Variants in TRIM58 observed in about 807,000 individuals in gnomAD.
TRIM58 encodes the protein tripartite motif containing 58.
Under a neutral mutation model 34.1 loss-of-function variants are expected in TRIM58, and 38 were observed. The ratio of observed to expected loss-of-function variants is 1.12; its 90% CI spans 0.86 to 1.46. The LOEUF (loss-of-function observed/expected upper bound fraction) is 1.46. Among genes scored for constraint, TRIM58 ranks in the 40% most tolerant of loss-of-function variants. The pLI is 0.00. For synonymous variants in TRIM58, 273 were observed against 275.7 expected, an observed-to-expected ratio of 0.99 and a Z score of 0.10; for missense variants, 677 against 642.0, an observed-to-expected ratio of 1.05 and a Z score of -0.59.
intron 2 of TRIM58, among the ~76,000 whole-genome samples, chr1:247,864,007 C>A (rs181358741): frequency 6.6e-6 from 1 of 152,250 alleles, no homozygotes; most frequent in African/African-American, 2.4e-5. Flanking sequence ...ACAAACATTT[C>A]TTCATCATTC....
At chr1:247,869,163 G>C (rs571565937) in intron 5 of TRIM58, among the ~76,000 whole-genome samples, 3 of 152,318 alleles carry the variant, frequency 2.0e-5, no homozygotes, top group African/African-American at 7.2e-5. Context: ...GCCTCCTAAA[G>C]TGCTGAGATG....
intron 2 of TRIM58, 58 bp downstream of exon 2, chr1:247,860,770 C>T: frequency 2.2e-6 from 3 of 1,359,536 alleles, no homozygotes; most frequent in South Asian, 1.2e-5. Flanking sequence ...AGATTCGGGT[C>T]AGTAATTCTT....
intron 3 of TRIM58, among the ~76,000 whole-genome samples, 175 bp from the exon 4 acceptor site, chr1:247,867,670 A>G (rs1663961677): frequency 6.6e-6 from 1 of 152,208 alleles, no homozygotes; most frequent in African/African-American, 2.4e-5. Flanking sequence ...AGCCTGGGCA[A>G]CAAGAACGAA....
chr1:247,869,005 TTC>T (rs1663998025), intron 5 of TRIM58, among the ~76,000 whole-genome samples: 1 of 152,176 alleles, frequency 6.6e-6, no homozygotes, highest in Non-Finnish European at 1.5e-5. Context: ...GTTCGAGCGA[TTC>T]TCCTGCCTCA....
intron 1 of TRIM58, 88 bp from the exon 2 acceptor site, chr1:247,860,529 T>G (rs1663762582): frequency 1.1e-6 from 1 of 877,568 alleles, no homozygotes; most frequent in Admixed American, 2.3e-5. Flanking sequence ...AGGGACTGTT[T>G]AAGTTGACTT....
At chr1:247,875,494 T>C (rs1329144683) in intron 5 of TRIM58, among the ~76,000 whole-genome samples, 1 of 151,866 alleles carries the variant, frequency 6.6e-6, no homozygotes, top group Non-Finnish European at 1.5e-5. Context: ...TGCCCATGAA[T>C]AGCTCTGCAC....
chr1:247,861,017 C>G (rs1663780004), intron 2 of TRIM58, among the ~76,000 whole-genome samples: 1 of 152,112 alleles, frequency 6.6e-6, no homozygotes, highest in African/African-American at 2.4e-5. Flanking sequence ...CTGTTGCTAC[C>G]AGTTTGAAAA....
Position 247,877,677 on chromosome 1 carries a change from A to G in TRIM58, c.*1188A>G, listed in dbSNP as rs1327395112. ...TATACTGGCCTCACTGTGTTATGGT[A>G]AATATTTAAGGTCATATTTGATATT... On this transcript the variant is annotated 3_prime_UTR_variant, in exon 6 of 6. Transcript: ENST00000366481. 6.6e-6 allele frequency: 1 copy of G among 152,194 alleles called. No individual in the cohort carries two copies. Among genetic ancestry groups the G allele is most frequent in the Non-Finnish European group, 1.5e-5 (1 of 68,038 alleles). 9.4% of individuals were successfully genotyped at this position (152,194 alleles called of 1,614,324 possible).
chr1:247,861,278 T>C (rs1184197827), intron 2 of TRIM58, among the ~76,000 whole-genome samples: 1 of 151,218 alleles, frequency 6.6e-6, no homozygotes, highest in Non-Finnish European at 1.5e-5. Flanking sequence ...GTGATTCACA[T>C]ACACACACAC....
chr1:247,870,914 C>T (rs112480963), intron 5 of TRIM58, among the ~76,000 whole-genome samples: 1 of 71,706 alleles, frequency 1.4e-5, no homozygotes, highest in Non-Finnish European at 2.6e-5. Flanking sequence ...ATCAGAGTCA[C>T]GGCCACCCAT....
Position 247,857,483 on chromosome 1 carries a change from G to A in TRIM58, c.237G>A (p.Val79=). The part of the protein sequence containing the change: ...FRPNRQLAGL[V]ESVRRLGLGA... ...CCAACCGGCAGCTGGCGGGCCTGGT[G>A]GAGAGCGTGCGGCGGCTGGGGTTGG... Residue 79 remains valine, a synonymous_variant, in exon 1 of 6, where the codon GTG becomes GTA. Coordinates refer to ENST00000366481, the MANE Select transcript of TRIM58 (RefSeq NM_015431.4). 1.5e-6 allele frequency: 2 copies of A among 1,331,264 alleles called. No individual in the cohort carries two copies. The highest frequency in any genetic ancestry group is 1.9e-6 in the Non-Finnish European group (2 of 1,040,612). The allele number at this position is 1,331,264 out of a possible 1,614,324, so 82.5% of individuals were successfully genotyped here. A position where few individuals can be genotyped will look rare whatever the true frequency, so the allele number is the denominator to read the frequency against.
Position 247,876,577 on chromosome 1 carries a change from C to T in TRIM58, c.*88C>T. The T allele has an allele frequency of 1.0e-6, 1 of 978,700 alleles. No individual in the cohort carries two copies. The highest frequency in any genetic ancestry group is 1.7e-5 in the South Asian group (1 of 60,348). 60.6% of individuals were successfully genotyped at this position (978,700 alleles called of 1,614,324 possible). On this transcript the variant is annotated 3_prime_UTR_variant, in exon 6 of 6. Transcript: ENST00000366481. The stretch of plus-strand genomic sequence containing the variant: ...CAATATACTAAGTTTTAACAGATAC[C>T]CCATTTAGGTCAGCACTTGATTCGT...
chr1:247,865,413 A>G (rs148913780), intron 3 of TRIM58, among the ~76,000 whole-genome samples: 1 of 152,352 alleles, frequency 6.6e-6, no homozygotes, highest in African/African-American at 2.4e-5. Flanking sequence ...CAGTTTGTCC[A>G]TGATAGCATT....
intron 2 of TRIM58, among the ~76,000 whole-genome samples, chr1:247,864,426 A>G (rs1663868933): frequency 6.6e-6 from 1 of 152,162 alleles, no homozygotes; most frequent in African/African-American, 2.4e-5. Flanking sequence ...CACATTTTGT[A>G]TATGGTACTG....
intron 5 of TRIM58, among the ~76,000 whole-genome samples, chr1:247,872,692 C>A (rs1659168023): frequency 6.6e-6 from 1 of 152,114 alleles, no homozygotes; most frequent in Admixed American, 6.5e-5. Context: ...GGAATTTTAT[C>A]AAAGCAATGA....
At chr1:247,867,723 C>T in intron 3 of TRIM58, 122 bp from the exon 4 acceptor site, 2 of 1,122,282 alleles carry the variant, frequency 1.8e-6, no homozygotes, top group South Asian at 1.3e-5. Context: ...TTATTGTCCC[C>T]TATAATTTTA....
In TRIM58 at chr1:247,878,984, G is replaced by T. The variant is rs578223475; in HGVS notation, c.*2495G>T. Reference sequence around the variant, plus strand: ...ACTATTTCCTCTGGAACTTTGTTTCGTTACCAGCAAAATCCTCGACATCCA... The same window carrying T: ...ACTATTTCCTCTGGAACTTTGTTTCTTTACCAGCAAAATCCTCGACATCCA... On this transcript the variant is annotated 3_prime_UTR_variant, in exon 6 of 6. Coordinates refer to ENST00000366481, the MANE Select transcript of TRIM58 (RefSeq NM_015431.4). 6.6e-6 allele frequency among the ~76,000 whole-genome samples: 1 copy of T among 151,916 alleles called. No homozygotes were observed. The highest frequency in any genetic ancestry group is 1.5e-5 in the Non-Finnish European group (1 of 67,990).
chr1:247,873,693 C>T lies in TRIM58; in HGVS notation c.872-2207C>T, dbSNP rs113071814. 4.9e-3 allele frequency among the ~76,000 whole-genome samples: 745 copies of T among 152,252 alleles called. 5 individuals carry two copies. The highest frequency in any genetic ancestry group is 6.7e-3 in the Non-Finnish European group (457 of 68,004). ...ATCAATAAAAATTCACTAGACCGGG[C>T]GTGGCAGCTCACGCCTGTAATCCCA... On this transcript the variant is annotated intron_variant, in intron 5 of 5. Transcript: ENST00000366481.
intron 3 of TRIM58, among the ~76,000 whole-genome samples, chr1:247,867,109 T>C (rs11204528): frequency 0.42 from 64,508 of 151,960 alleles, 14,423 homozygotes; most frequent in African/African-American, 0.57. Context: ...TATTAATCTA[T>C]TTAGATAACC....
Sources: gnomAD v4.1 joint callset for allele counts (sites outside exome capture counted in the v4.1 genomes callset) on GRCh38, gnomAD v4.1.1 for gene constraint, MANE v1.5 for transcripts, NCBI Gene and HGNC (gene_info 2026-07-23, HGNC 2026-07-21) for gene names.